The following RGS7 variants were observed in gnomAD, a reference collection of about 807,000 sequenced individuals.
RGS7 encodes regulator of G-protein signaling 7.
Under a neutral mutation model 81.1 loss-of-function variants are expected in RGS7, and 27 were observed. That is an observed-to-expected ratio of 0.33 (90% CI 0.25 to 0.46). The LOEUF is 0.46. Ranked by LOEUF, RGS7 falls within the 20% of genes least tolerant of loss-of-function variation. The pLI is 1.00. For synonymous variants in RGS7, 208 were observed against 207.7 expected (o/e 1.00, Z -0.01); for missense variants, 396 against 607.4 (o/e 0.65, Z 3.66).
Position 240,775,996 on chromosome 1 carries a change from T to C in RGS7, c.*224A>G. 3.0e-6 allele frequency: 2 copies of C among 664,548 alleles called. No homozygotes were observed. The highest frequency in any genetic ancestry group is 5.6e-6 in the Non-Finnish European group (2 of 355,354). The allele number at this position is 664,548 out of a possible 1,614,324, so 41.2% of individuals were successfully genotyped here. A position where few individuals can be genotyped will look rare whatever the true frequency, so the allele number is the denominator to read the frequency against. ...AGACAACAGTTTGGAATGGAGGCAT[T>C]GAGACGGAAGAGTCCATTGGAGATG... On this transcript the variant is annotated 3_prime_UTR_variant, in exon 19 of 19. Coordinates refer to ENST00000440928, the MANE Select transcript of RGS7 (RefSeq NM_001364886.1).
At chr1:241,042,373 G>C (rs564195493) in intron 3 of RGS7, among the ~76,000 whole-genome samples, 1 of 152,230 alleles carries the variant, frequency 6.6e-6, no homozygotes, top group African/African-American at 2.4e-5. Context: ...GTATGTCTGT[G>C]TTTATGCTTC....
intron 6 of RGS7, among the ~76,000 whole-genome samples, chr1:240,886,169 T>C (rs924399018): frequency 2.6e-5 from 4 of 152,238 alleles, no homozygotes; most frequent in African/African-American, 4.8e-5. Flanking sequence ...AATACTTTCA[T>C]GTAAATCTCC....
intron 3 of RGS7, among the ~76,000 whole-genome samples, chr1:241,091,594 TA>T (rs554243570): frequency 7.4e-6 from 1 of 135,390 alleles, no homozygotes; most frequent in Non-Finnish European, 1.6e-5. Context: ...AATAAATAAA[TA>T]AAAAAGCTGG....
At chr1:241,195,214 G>T (rs1015603988) in intron 2 of RGS7, among the ~76,000 whole-genome samples, 3 of 152,120 alleles carry the variant, frequency 2.0e-5, no homozygotes, top group Non-Finnish European at 4.4e-5. Context: ...GGTAGCTCAC[G>T]CCTGTAATGC....
At chr1:241,177,376 G>A (rs1308672691) in intron 2 of RGS7, among the ~76,000 whole-genome samples, 1 of 152,012 alleles carries the variant, frequency 6.6e-6, no homozygotes, top group East Asian at 1.9e-4. Context: ...CCATGTTCAA[G>A]GAAAATAAGG....
At chr1:241,318,572 T>C (rs2081024814) in intron 2 of RGS7, among the ~76,000 whole-genome samples, 1 of 152,124 alleles carries the variant, frequency 6.6e-6, no homozygotes, top group Admixed American at 6.5e-5. Context: ...TTCTCCCGCC[T>C]CAGCCTCCCG....
chr1:241,025,443 G>A (rs1478689695), intron 3 of RGS7, among the ~76,000 whole-genome samples: 1 of 152,098 alleles, frequency 6.6e-6, no homozygotes, highest in Non-Finnish European at 1.5e-5. Flanking sequence ...ACAAAGAGAA[G>A]TTCAGTCATT....
At chr1:241,339,364 T>C (rs1441908066) in intron 2 of RGS7, among the ~76,000 whole-genome samples, 1 of 152,218 alleles carries the variant, frequency 6.6e-6, no homozygotes, top group African/African-American at 2.4e-5. Context: ...TCAATAAATG[T>C]TTGCTACATT....
At chr1:240,870,383 T>G (rs1040342211) in intron 6 of RGS7, among the ~76,000 whole-genome samples, 5 of 152,150 alleles carry the variant, frequency 3.3e-5, no homozygotes, top group African/African-American at 4.8e-5. Context: ...TCACCCTGGC[T>G]GAAGCAAGTG....
At chr1:240,887,225 G>GTTTGTTGTTGTT (rs60215189) in intron 6 of RGS7, among the ~76,000 whole-genome samples, 1 of 135,184 alleles carries the variant, frequency 7.4e-6, no homozygotes, top group Non-Finnish European at 1.5e-5. Flanking sequence ...TGAGTATATA[G>GTTTGTTGTTGTT]GTTTTTTTTT....
In RGS7 at chr1:240,903,341, A is replaced by C. The variant is rs577891125; in HGVS notation, c.385+27376T>G. On this transcript the variant is annotated intron_variant, in intron 6 of 18. Coordinates refer to ENST00000440928, the MANE Select transcript of RGS7 (RefSeq NM_001364886.1). ...TTGAAATGTGACTAGGAGATGAAGGAACAGAATTTTTAATTTAATTTAAGT... is the reference window on the plus strand; with the variant it reads ...TTGAAATGTGACTAGGAGATGAAGGCACAGAATTTTTAATTTAATTTAAGT... Among the ~76,000 whole-genome samples the C allele has an allele frequency of 2.0e-5, 3 of 152,252 alleles. No homozygotes were observed. In the South Asian group the frequency reaches 6.2e-4, roughly 32 times the overall value.
intron 2 of RGS7, among the ~76,000 whole-genome samples, chr1:241,334,766 A>G (rs560653239): frequency 1.4e-4 from 21 of 152,310 alleles, no homozygotes; most frequent in African/African-American, 5.1e-4. Flanking sequence ...GCAAGAAAAA[A>G]AATAGAAAAA....
chr1:241,021,047 A>G (rs2059510522), intron 3 of RGS7, among the ~76,000 whole-genome samples: 1 of 152,220 alleles, frequency 6.6e-6, no homozygotes, highest in Non-Finnish European at 1.5e-5. Flanking sequence ...CGACATTGGT[A>G]GAACTTCTTA....
intron 10 of RGS7, among the ~76,000 whole-genome samples, chr1:240,824,718 T>A (rs981828407): frequency 2.0e-5 from 3 of 152,208 alleles, no homozygotes; most frequent in African/African-American, 7.2e-5. Flanking sequence ...TAAATTCTTA[T>A]GTTGCAGCCC....
intron 2 of RGS7, among the ~76,000 whole-genome samples, chr1:241,140,806 C>T (rs1378645130): frequency 6.6e-6 from 1 of 152,184 alleles, no homozygotes; most frequent in African/African-American, 2.4e-5. Flanking sequence ...TTTGTGAAAC[C>T]TAAGACCAGC....
chr1:241,184,471 T>C (rs899336808), intron 2 of RGS7, among the ~76,000 whole-genome samples: 1 of 152,188 alleles, frequency 6.6e-6, no homozygotes. Flanking sequence ...ATCCCTAATT[T>C]GAAATTCCCA....
At chr1:241,037,324 G>A (rs907556659) in intron 3 of RGS7, among the ~76,000 whole-genome samples, 2 of 152,116 alleles carry the variant, frequency 1.3e-5, no homozygotes, top group African/African-American at 4.8e-5. Context: ...TCTAACTCTG[G>A]GAGAAGTAGG....
At chr1:241,353,004 A>T (rs1015693027) in intron 2 of RGS7, among the ~76,000 whole-genome samples, 2 of 152,248 alleles carry the variant, frequency 1.3e-5, no homozygotes, top group Admixed American at 1.3e-4. Flanking sequence ...GAATATTCCC[A>T]GTTCAGAACA....
intron 2 of RGS7, among the ~76,000 whole-genome samples, chr1:241,166,281 C>G (rs1329423715): frequency 1.3e-5 from 2 of 152,186 alleles, no homozygotes; most frequent in Non-Finnish European, 2.9e-5. Context: ...ACAGCAGTGA[C>G]CTTGTGCAGA....
Sources: allele counts gnomAD v4.1 joint callset (sites outside exome capture counted in the v4.1 genomes callset), GRCh38; gene constraint gnomAD v4.1.1; transcripts MANE v1.5; gene names NCBI Gene and HGNC (gene_info 2026-07-23, HGNC 2026-07-21).